Variants in SLC9A9 observed in about 807,000 individuals in gnomAD.
SLC9A9 encodes solute carrier family 9 member A9.
Under a neutral mutation model 77.8 loss-of-function variants are expected in SLC9A9, and 62 were observed. The ratio of observed to expected loss-of-function variants is 0.80; its 90% CI spans 0.65 to 0.98. SLC9A9 has a LOEUF of 0.98. Ranked by LOEUF, SLC9A9 falls within the 50% of genes least tolerant of loss-of-function variation. The pLI, the probability that SLC9A9 is intolerant of heterozygous loss-of-function variation, is 0.00. For synonymous variants in SLC9A9, 320 were observed against 283.5 expected (o/e 1.13, Z -1.29); for missense variants, 775 against 774.9 (o/e 1.00, Z 0.00).
At chr3:143,814,674 A>G (rs1289290221) in intron 2 of SLC9A9, among the ~76,000 whole-genome samples, 1 of 152,198 alleles carries the variant, frequency 6.6e-6, no homozygotes. Flanking sequence ...TATGTATCTG[A>G]AATTCAATAA....
chr3:143,329,473 T>C (rs1439776128), intron 14 of SLC9A9, among the ~76,000 whole-genome samples: 2 of 152,224 alleles, frequency 1.3e-5, no homozygotes, highest in Admixed American at 1.3e-4. Flanking sequence ...CAAAACAATT[T>C]TGATTTCCCA....
intron 14 of SLC9A9, among the ~76,000 whole-genome samples, chr3:143,303,043 C>T (rs1389890317): frequency 6.6e-6 from 1 of 152,228 alleles, no homozygotes; most frequent in Non-Finnish European, 1.5e-5. Flanking sequence ...GGACAACTGG[C>T]TCTCCAGGCA....
chr3:143,656,118 A>T (rs1447818481), intron 5 of SLC9A9, among the ~76,000 whole-genome samples: 2 of 152,220 alleles, frequency 1.3e-5, no homozygotes, highest in Non-Finnish European at 2.9e-5. Flanking sequence ...CAGGAGAGAA[A>T]CACATGAGTT....
At chr3:143,767,406 G>A (rs896705208) in intron 4 of SLC9A9, among the ~76,000 whole-genome samples, 1 of 151,602 alleles carries the variant, frequency 6.6e-6, no homozygotes, top group African/African-American at 2.4e-5. Flanking sequence ...GTGTGTGTGT[G>A]TGTGTGTTTA....
chr3:143,705,263 T>C (rs1450828062), intron 4 of SLC9A9, among the ~76,000 whole-genome samples: 1 of 151,532 alleles, frequency 6.6e-6, no homozygotes, highest in African/African-American at 2.4e-5. Context: ...CTCACAGAAA[T>C]AGAAAGTAGG....
At chr3:143,491,450 T>A (rs1473761535) in intron 11 of SLC9A9, among the ~76,000 whole-genome samples, 1 of 152,154 alleles carries the variant, frequency 6.6e-6, no homozygotes, top group Non-Finnish European at 1.5e-5. Flanking sequence ...TGGGTTGGGA[T>A]GAGTTCCAAC....
intron 14 of SLC9A9, among the ~76,000 whole-genome samples, chr3:143,324,800 C>T (rs751075920): frequency 1.7e-4 from 26 of 152,032 alleles, no homozygotes; most frequent in East Asian, 5.8e-4. Context: ...CCAGCCTGGG[C>T]GATAGAGGAA....
At chr3:143,680,879 G>A (rs909302709) in intron 5 of SLC9A9, among the ~76,000 whole-genome samples, 3 of 152,094 alleles carry the variant, frequency 2.0e-5, no homozygotes, top group Admixed American at 6.5e-5. Context: ...AAGTTCCCAT[G>A]CCCTCTAGCT....
intron 12 of SLC9A9, among the ~76,000 whole-genome samples, chr3:143,435,615 G>A (rs1348461454): frequency 6.6e-6 from 1 of 152,124 alleles, no homozygotes; most frequent in Non-Finnish European, 1.5e-5. Context: ...TGCCTGACAC[G>A]TTAGACTTTC....
chr3:143,713,682 T>A (rs1934256133), intron 4 of SLC9A9, among the ~76,000 whole-genome samples: 1 of 152,204 alleles, frequency 6.6e-6, no homozygotes, highest in South Asian at 2.1e-4. Flanking sequence ...AACAGGTACA[T>A]GTATTGTTCT....
At chr3:143,777,942 T>G (rs2007747287) in intron 4 of SLC9A9, among the ~76,000 whole-genome samples, 1 of 145,908 alleles carries the variant, frequency 6.9e-6, no homozygotes, top group Non-Finnish European at 1.5e-5. Context: ...CTTGAACTTC[T>G]GACCTCATGA....
At chr3:143,695,526 A>G (rs1933611191) in intron 4 of SLC9A9, among the ~76,000 whole-genome samples, 1 of 152,046 alleles carries the variant, frequency 6.6e-6, no homozygotes. Context: ...CATCCTTTTC[A>G]TGGCTGCATA....
chr3:143,535,756 TA>T (rs1441657512), intron 9 of SLC9A9, among the ~76,000 whole-genome samples: 5 of 152,214 alleles, frequency 3.3e-5, no homozygotes, highest in African/African-American at 1.2e-4. Flanking sequence ...ATTATAACTT[TA>T]AATACACATT....
At chr3:143,835,857 A>G (rs2009554544) in intron 1 of SLC9A9, among the ~76,000 whole-genome samples, 1 of 152,196 alleles carries the variant, frequency 6.6e-6, no homozygotes, top group Non-Finnish European at 1.5e-5. Context: ...CCATGTGCAA[A>G]CAGCCCTGGC....
At chr3:143,295,143 TA>T (rs2030205889) in intron 14 of SLC9A9, among the ~76,000 whole-genome samples, 1 of 152,216 alleles carries the variant, frequency 6.6e-6, no homozygotes, top group East Asian at 1.9e-4. Flanking sequence ...AGAGTTTATG[TA>T]AAAATCTGAC....
intron 8 of SLC9A9, among the ~76,000 whole-genome samples, chr3:143,567,963 C>T (rs2037195503): frequency 1.3e-5 from 2 of 152,178 alleles, no homozygotes; most frequent in Non-Finnish European, 2.9e-5. Context: ...TGATCTGTCA[C>T]AAAGTTATAC....
intron 1 of SLC9A9, 31 bp downstream of exon 1, chr3:143,848,117 T>A (rs2009867895): frequency 6.3e-7 from 1 of 1,598,522 alleles, no homozygotes; most frequent in African/African-American, 1.3e-5. Flanking sequence ...AGCAACAAGT[T>A]TCACATCAAT....
chr3:143,317,681 ATGTT>A, intron 14 of SLC9A9, among the ~76,000 whole-genome samples: 1 of 39,720 alleles, frequency 2.5e-5, no homozygotes, highest in African/African-American at 1.7e-4. Flanking sequence ...GAAATGTTCT[ATGTT>A]CCATTTTCCT....
At chr3:143,615,830 T>C (rs768899050) in intron 6 of SLC9A9, among the ~76,000 whole-genome samples, 60 of 152,022 alleles carry the variant, frequency 3.9e-4, no homozygotes, top group Non-Finnish European at 8.4e-4. Flanking sequence ...CTGCACAGTG[T>C]AAATAACAAA....
Sources: gnomAD v4.1 joint callset for allele counts (sites outside exome capture counted in the v4.1 genomes callset) on GRCh38, gnomAD v4.1.1 for gene constraint, MANE v1.5 for transcripts, NCBI Gene and HGNC (gene_info 2026-07-23, HGNC 2026-07-21) for gene names.